PTPRZ1: variants seen among roughly 807,000 people sequenced by gnomAD.
PTPRZ1 encodes receptor-type tyrosine-protein phosphatase zeta.
Under a neutral mutation model 214.1 loss-of-function variants are expected in PTPRZ1, and 82 were observed. The observed-to-expected ratio is 0.38, with a 90% CI of 0.32 to 0.46. PTPRZ1 has a LOEUF of 0.46. Among genes scored for constraint, PTPRZ1 ranks in the 20% least tolerant of loss-of-function variants. PTPRZ1 has a pLI of 1.00. For synonymous variants in PTPRZ1, 945 were observed against 987.9 expected (o/e 0.96, Z 0.81); for missense variants, 2,603 against 2,748.7 (o/e 0.95, Z 1.19).
At chr7:121,948,601 G>A (rs1475562736) in intron 2 of PTPRZ1, among the ~76,000 whole-genome samples, 1 of 152,182 alleles carries the variant, frequency 6.6e-6, no homozygotes, top group Non-Finnish European at 1.5e-5. Context: ...GAGGATGAAT[G>A]TTTCAGGCAA....
intron 8 of PTPRZ1, among the ~76,000 whole-genome samples, chr7:121,988,455 A>C (rs1449054306): frequency 6.6e-6 from 1 of 152,194 alleles, no homozygotes; most frequent in Non-Finnish European, 1.5e-5. Context: ...CCACTGTCAA[A>C]TAATTAATAT....
At chr7:121,972,743 T>G (rs1797296320) in intron 4 of PTPRZ1, 51 bp downstream of exon 4, 1 of 1,321,964 alleles carries the variant, frequency 7.6e-7, no homozygotes, top group African/African-American at 1.5e-5. Flanking sequence ...ATAATTGATG[T>G]TTTTATTTAG....
intron 2 of PTPRZ1, among the ~76,000 whole-genome samples, chr7:121,943,643 T>C (rs914453779): frequency 6.6e-6 from 1 of 152,126 alleles, no homozygotes; most frequent in African/African-American, 2.4e-5. Context: ...CGGCCAATAA[T>C]GGAGAATTTA....
At chr7:121,932,153 G>C (rs1252459657) in intron 2 of PTPRZ1, among the ~76,000 whole-genome samples, 2 of 152,036 alleles carry the variant, frequency 1.3e-5, no homozygotes, top group Non-Finnish European at 2.9e-5. Flanking sequence ...TAATTATTTT[G>C]TCTGAATTAC....
At chr7:121,924,829 T>C (rs1220976874) in intron 1 of PTPRZ1, among the ~76,000 whole-genome samples, 1 of 152,248 alleles carries the variant, frequency 6.6e-6, no homozygotes, top group African/African-American at 2.4e-5. Context: ...CTTCTTCCTA[T>C]GGCCAGTGCA....
intron 2 of PTPRZ1, among the ~76,000 whole-genome samples, chr7:121,967,442 G>A (rs780415546): frequency 6.6e-6 from 1 of 152,172 alleles, no homozygotes; most frequent in African/African-American, 2.4e-5. Flanking sequence ...TACTTTTATG[G>A]AGAGTGTTGA....
chr7:121,984,041 T>C lies in PTPRZ1; in HGVS notation c.852T>C (p.Asn284=). 3.1e-6 allele frequency: 5 copies of C among 1,613,614 alleles called. No individual in the cohort carries two copies. Among genetic ancestry groups the C allele is most frequent in the Non-Finnish European group, 4.2e-6 (5 of 1,179,706 alleles). The part of the protein sequence containing the change: ...YVMLMDYLQN[N]FREQQYKFSR... ...TGCTGATGGACTACTTACAAAACAA[T>C]TTTCGAGAGCAACAGTACAAGTTCT... The change falls in exon 8 of 30, where the codon AAT becomes AAC. Residue 284 remains asparagine (N), a synonymous_variant. Transcript: ENST00000393386.
intron 1 of PTPRZ1, among the ~76,000 whole-genome samples, chr7:121,917,655 G>A (rs566459167): frequency 1.2e-4 from 19 of 152,010 alleles, no homozygotes; most frequent in South Asian, 2.1e-4. Flanking sequence ...CTCTTGTTAC[G>A]GTATTATTGT....
rs527512513 is a variant in PTPRZ1, at chr7:121,973,008, A to AG, written c.456+317dup. Among the ~76,000 whole-genome samples, 32 of 152,332 alleles carry AG rather than the reference A, an allele frequency of 2.1e-4. 1 individual carries two copies. Among genetic ancestry groups the AG allele is most frequent in the African/African-American group, 7.5e-4 (31 of 41,584 alleles). On this transcript the variant is annotated intron_variant, in intron 4 of 29. Transcript: ENST00000393386. ...TGATTTAAATCTTTTGATTAAAATGAGAAAAATTTTCAGCTTTAAAATTGG... is the reference window on the plus strand; with the variant it reads ...TGATTTAAATCTTTTGATTAAAATGAGGAAAAATTTTCAGCTTTAAAATTGG...
chr7:121,906,959 T>C (rs1795134439), intron 1 of PTPRZ1, among the ~76,000 whole-genome samples: 1 of 105,304 alleles, frequency 9.5e-6, no homozygotes, highest in African/African-American at 2.9e-5. Context: ...ATATATTATG[T>C]TTGCAGATAG....
intron 13 of PTPRZ1, among the ~76,000 whole-genome samples, chr7:122,019,948 G>A (rs1427896020): frequency 2.0e-5 from 3 of 152,142 alleles, no homozygotes; most frequent in Non-Finnish European, 4.4e-5. Flanking sequence ...ACATAGGTCA[G>A]TATAACTGTG....
chr7:121,943,830 C>T (rs778574191), intron 2 of PTPRZ1, among the ~76,000 whole-genome samples: 7 of 152,128 alleles, frequency 4.6e-5, no homozygotes, highest in African/African-American at 9.7e-5. Flanking sequence ...AGGAGCCAAA[C>T]GTTGCAGTGT....
intron 1 of PTPRZ1, among the ~76,000 whole-genome samples, chr7:121,911,981 A>T (rs1795291635): frequency 6.6e-6 from 1 of 152,060 alleles, no homozygotes; most frequent in South Asian, 2.1e-4. Flanking sequence ...CTGTTTTGAA[A>T]ACAGAAGTGT....
At position 122,036,588 on chromosome 7, in the gene PTPRZ1, T is replaced by C. The variant is rs771045665; in HGVS notation, c.5285-12T>C. On this transcript the variant is annotated splice_polypyrimidine_tract_variant and intron_variant, in intron 17 of 29. Transcript: ENST00000393386. Reference sequence around the variant, plus strand: ...CTGTGCTACAATGAAATATATTCTCTTTATATTACAGATGATCATAGCAGG... The same window carrying C: ...CTGTGCTACAATGAAATATATTCTCCTTATATTACAGATGATCATAGCAGG... The C allele has an allele frequency of 3.2e-6, 5 of 1,550,010 alleles. No homozygotes were observed.
At chr7:122,025,731 C>T (rs1799191522) in intron 13 of PTPRZ1, among the ~76,000 whole-genome samples, 1 of 152,076 alleles carries the variant, frequency 6.6e-6, no homozygotes, top group Non-Finnish European at 1.5e-5. Context: ...AATGAAAGGC[C>T]ATTTCACAGA....
chr7:122,058,963 G>C, intron 28 of PTPRZ1, 21 bp downstream of exon 28: 2 of 1,555,100 alleles, frequency 1.3e-6, no homozygotes, highest in Non-Finnish European at 1.8e-6. Flanking sequence ...TGTGTTAGAT[G>C]GTTTCACACC....
intron 14 of PTPRZ1, among the ~76,000 whole-genome samples, chr7:122,030,200 C>G (rs1799331581): frequency 6.6e-6 from 1 of 151,984 alleles, no homozygotes. Flanking sequence ...TTGTTCAGTT[C>G]TCAAAGATTC....
intron 1 of PTPRZ1, among the ~76,000 whole-genome samples, chr7:121,915,176 A>T (rs1352062120): frequency 6.6e-6 from 1 of 152,152 alleles, no homozygotes; most frequent in Non-Finnish European, 1.5e-5. Context: ...CTTGGAATGG[A>T]TCACCATCCC....
In PTPRZ1 at chr7:122,013,778, G is replaced by T. The variant is rs149928546; in HGVS notation, c.4732G>T (p.Ala1578Ser). The T allele has an allele frequency of 1.2e-6, 2 of 1,613,992 alleles. No individual in the cohort carries two copies. Among genetic ancestry groups the T allele is most frequent in the African/African-American group, 2.7e-5 (2 of 74,934 alleles). Reference sequence around the variant, plus strand: ...TTTTGCAGACACTAATGAAAAAGATGCTGATGGGATCCTGGCAGCAGGTGA... The same window carrying T: ...TTTTGCAGACACTAATGAAAAAGATTCTGATGGGATCCTGGCAGCAGGTGA... The part of the protein sequence containing the change: ...FSFADTNEKD[A>S]DGILAAGDSE... Residue 1578 changes from alanine (A) to serine (S), a missense_variant, in exon 12 of 30, where the codon GCT (alanine) becomes TCT (serine). Physicochemically the swap from Ala to Ser is moderately conservative, Grantham distance 99. Coordinates refer to ENST00000393386, the MANE Select transcript of PTPRZ1 (RefSeq NM_002851.3).
Sources: gnomAD v4.1 joint callset for allele counts (sites outside exome capture counted in the v4.1 genomes callset) on GRCh38, gnomAD v4.1.1 for gene constraint, MANE v1.5 for transcripts, NCBI Gene and HGNC (gene_info 2026-07-23, HGNC 2026-07-21) for gene names.